The following DNAH7 variants were observed in gnomAD, a reference collection of about 807,000 sequenced individuals.
DNAH7 encodes dynein axonemal heavy chain 7.
DNAH7 carries 397 observed loss-of-function variants against 444.6 expected under a neutral mutation model. The ratio of observed to expected loss-of-function variants is 0.89; its 90% CI spans 0.82 to 0.97. DNAH7 has a LOEUF of 0.97. Among genes scored for constraint, DNAH7 ranks in the 50% least tolerant of loss-of-function variants. The pLI is 0.00. For synonymous variants in DNAH7, 1,636 were observed against 1,624.4 expected, an observed-to-expected ratio of 1.01 and a Z score of -0.17; for missense variants, 4,902 against 4,800.8, an observed-to-expected ratio of 1.02 and a Z score of -0.62.
At chr2:195,974,698 C>A (rs1347711955) in intron 15 of DNAH7, among the ~76,000 whole-genome samples, 1 of 150,222 alleles carries the variant, frequency 6.7e-6, no homozygotes, top group African/African-American at 2.5e-5. Context: ...TGATGTCCAA[C>A]AATAATATAA....
Position 195,790,087 on chromosome 2 carries a change from A to G in DNAH7, c.10717-2916T>C, listed in dbSNP as rs376121753. Among the ~76,000 whole-genome samples, 3 of 152,122 alleles carry G rather than the reference A, an allele frequency of 2.0e-5. No individual in the cohort carries two copies. The East Asian group carries it at 5.8e-4, about 29-fold the overall frequency. Reference sequence around the variant, plus strand: ...ATCCCATTTATAATAGCTGCCTCCCACCCCACACAATACTTAAGAATACAT... The same window carrying G: ...ATCCCATTTATAATAGCTGCCTCCCGCCCCACACAATACTTAAGAATACAT... On this transcript the variant is annotated intron_variant, in intron 57 of 64. Coordinates refer to ENST00000312428, the MANE Select transcript of DNAH7 (RefSeq NM_018897.3).
intron 15 of DNAH7, among the ~76,000 whole-genome samples, chr2:195,980,094 A>T (rs1029768809): frequency 7.4e-6 from 1 of 134,958 alleles, no homozygotes; most frequent in Admixed American, 7.5e-5. Flanking sequence ...AAACTAGAGG[A>T]GGGGCGATAT....
intron 51 of DNAH7, among the ~76,000 whole-genome samples, chr2:195,816,017 CAT>C (rs1196155628): frequency 6.6e-6 from 1 of 152,090 alleles, no homozygotes; most frequent in Non-Finnish European, 1.5e-5. Flanking sequence ...AAAACAAAAA[CAT>C]GTCTTAATAC....
At chr2:195,822,540 T>C (rs1697521142) in intron 49 of DNAH7, among the ~76,000 whole-genome samples, 1 of 152,180 alleles carries the variant, frequency 6.6e-6, no homozygotes, top group South Asian at 2.1e-4. Context: ...CCAGAGGAAG[T>C]ATTATAATTT....
At chr2:195,920,050 T>A (rs2125341243) in intron 24 of DNAH7, among the ~76,000 whole-genome samples, 1 of 152,108 alleles carries the variant, frequency 6.6e-6, no homozygotes, top group East Asian at 1.9e-4. Context: ...ATGAGATAAA[T>A]CACTACATGA....
chr2:196,050,062 G>A (rs975901859), intron 3 of DNAH7, among the ~76,000 whole-genome samples: 1 of 152,132 alleles, frequency 6.6e-6, no homozygotes, highest in Non-Finnish European at 1.5e-5. Context: ...ATCTAACAAT[G>A]TTAGTTCAAG....
At chr2:195,999,742 A>G (rs1041208528) in intron 12 of DNAH7, among the ~76,000 whole-genome samples, 6 of 152,166 alleles carry the variant, frequency 3.9e-5, no homozygotes, top group Non-Finnish European at 8.8e-5. Flanking sequence ...AATAGAATAA[A>G]AAATTGGAAA....
chr2:195,846,949 ATGTGTGTGTG>A (rs35075325), intron 46 of DNAH7, among the ~76,000 whole-genome samples: 8 of 137,214 alleles, frequency 5.8e-5, no homozygotes, highest in South Asian at 2.3e-4. Context: ...ACTCCCATAT[ATGTGTGTGTG>A]TGTGTGTGTG....
chr2:195,789,069 C>A (rs949298672), intron 57 of DNAH7, among the ~76,000 whole-genome samples: 9 of 152,134 alleles, frequency 5.9e-5, no homozygotes, highest in African/African-American at 2.2e-4. Flanking sequence ...AGAAAAATGG[C>A]TGATTCCAGG....
At chr2:196,033,726 A>G (rs1696207492) in intron 5 of DNAH7, among the ~76,000 whole-genome samples, 1 of 152,178 alleles carries the variant, frequency 6.6e-6, no homozygotes, top group Admixed American at 6.5e-5. Context: ...TAACTCAGCT[A>G]TTATAAACAG....
chr2:195,985,026 G>A (rs1692814615), intron 14 of DNAH7, among the ~76,000 whole-genome samples: 1 of 152,126 alleles, frequency 6.6e-6, no homozygotes, highest in African/African-American at 2.4e-5. Context: ...GAGCTTTAAG[G>A]GCTCTAAGAG....
At chr2:195,990,064 A>C (rs1574962609) in intron 12 of DNAH7, among the ~76,000 whole-genome samples, 1 of 152,108 alleles carries the variant, frequency 6.6e-6, no homozygotes, top group East Asian at 1.9e-4. Flanking sequence ...CTTTGTGCAG[A>C]AGCTTTTTAG....
chr2:195,948,326 T>C (rs1260060396), intron 19 of DNAH7, among the ~76,000 whole-genome samples: 1 of 152,248 alleles, frequency 6.6e-6, no homozygotes, highest in Admixed American at 6.5e-5. Context: ...TTGGCTTGTG[T>C]TGCCATTGCT....
At chr2:195,994,745 AC>A (rs1693581939) in intron 12 of DNAH7, 2 of 472,700 alleles carry the variant, frequency 4.2e-6, no homozygotes, top group African/African-American at 2.0e-5. Flanking sequence ...ATATCTTGAT[AC>A]GTAACATAAG....
chr2:195,808,253 G>A (rs376724766), intron 53 of DNAH7, among the ~76,000 whole-genome samples: 5 of 152,166 alleles, frequency 3.3e-5, no homozygotes, highest in Non-Finnish European at 7.4e-5. Flanking sequence ...ACAAGGTCTC[G>A]TGAAAGTTGT....
intron 35 of DNAH7, among the ~76,000 whole-genome samples, chr2:195,882,860 G>A (rs905179190): frequency 1.3e-5 from 2 of 152,188 alleles, no homozygotes; most frequent in East Asian, 1.9e-4. Flanking sequence ...CCCTGGGCCC[G>A]AGCTTTGATG....
chr2:195,863,319 C>A (rs1236453261), intron 41 of DNAH7, among the ~76,000 whole-genome samples: 1 of 152,238 alleles, frequency 6.6e-6, no homozygotes, highest in Non-Finnish European at 1.5e-5. Context: ...AAAACCCACT[C>A]ACGGGATCTC....
chr2:195,874,002 A>G (rs532217362), intron 38 of DNAH7, among the ~76,000 whole-genome samples: 5 of 152,376 alleles, frequency 3.3e-5, no homozygotes, highest in Admixed American at 3.3e-4. Context: ...CACAGTTTAC[A>G]GCTTAAAGCA....
At chr2:195,758,141 C>T (rs758114874) in intron 61 of DNAH7, among the ~76,000 whole-genome samples, 5 of 152,214 alleles carry the variant, frequency 3.3e-5, no homozygotes, top group Non-Finnish European at 7.3e-5. Context: ...AATACATAAT[C>T]ATGCTGAATG....
Sources: allele counts gnomAD v4.1 joint callset (sites outside exome capture counted in the v4.1 genomes callset), GRCh38; gene constraint gnomAD v4.1.1; transcripts MANE v1.5; gene names NCBI Gene and HGNC (gene_info 2026-07-23, HGNC 2026-07-21).